The following LDAH variants were observed in gnomAD, a reference collection of about 807,000 sequenced individuals.
The protein encoded by LDAH is lipid droplet-associated hydrolase.
In LDAH, 26 loss-of-function variants were observed where a neutral mutation model predicts 29.6. That is an observed-to-expected ratio of 0.88 (90% confidence interval 0.64 to 1.22). The LOEUF (loss-of-function observed/expected upper bound fraction) is 1.22. Among genes scored for constraint, LDAH ranks in the 50% most tolerant of loss-of-function variants. The probability of loss-of-function intolerance (pLI) is 0.00; values close to 1 mark genes in which losing one functional copy is unlikely to be tolerated. For synonymous variants in LDAH, 117 were observed against 133.0 expected (o/e 0.88, Z 0.83); for missense variants, 344 against 387.3 (o/e 0.89, Z 0.94).
intron 3 of LDAH, among the ~76,000 whole-genome samples, chr2:20,788,445 T>C (rs1432892268): frequency 6.6e-6 from 1 of 152,122 alleles, no homozygotes; most frequent in Non-Finnish European, 1.5e-5. Flanking sequence ...AGGTCAGAGA[T>C]TACAATTAAA....
Position 20,721,671 on chromosome 2 carries a change from A to AT in LDAH, c.703+18299_703+18300insA, listed in dbSNP as rs750177837. The stretch of plus-strand genomic sequence containing the variant: ...GGTGAGGATGCAGAGAAAGGGGAAT[A>AT]CCTGTAAACTGTTGGGAATGTAAAG... On this transcript the variant is annotated intron_variant, in intron 5 of 6. Coordinates refer to ENST00000237822, the MANE Select transcript of LDAH (RefSeq NM_021925.4). Among the ~76,000 whole-genome samples, 8 of 152,342 alleles carry AT rather than the reference A, an allele frequency of 5.3e-5. No individual in the cohort carries two copies. The East Asian group carries it at 5.8e-4, about 11-fold the overall frequency.
At chr2:20,697,201 T>C (rs1256878658) in intron 6 of LDAH, among the ~76,000 whole-genome samples, 7 of 152,184 alleles carry the variant, frequency 4.6e-5, no homozygotes, top group Admixed American at 4.6e-4. Context: ...TGCTGCTGCT[T>C]CTCTTCCCAT....
At chr2:20,812,557 A>G (rs1159860852) in intron 1 of LDAH, among the ~76,000 whole-genome samples, 2 of 152,170 alleles carry the variant, frequency 1.3e-5, no homozygotes, top group African/African-American at 4.8e-5. Context: ...CTCTGCTGCC[A>G]TATATGGACT....
intron 5 of LDAH, among the ~76,000 whole-genome samples, chr2:20,724,509 T>A (rs1458122056): frequency 1.3e-5 from 2 of 152,164 alleles, no homozygotes; most frequent in Non-Finnish European, 2.9e-5. Flanking sequence ...GCTAGTGCTT[T>A]GGAAAGCGGG....
intron 4 of LDAH, among the ~76,000 whole-genome samples, chr2:20,742,243 C>T (rs577875014): frequency 1.3e-5 from 2 of 152,260 alleles, no homozygotes; most frequent in East Asian, 1.9e-4. Context: ...GAATGTTCCA[C>T]GTGATCTTGA....
chr2:20,717,700 G>A (rs1490134592), intron 5 of LDAH, among the ~76,000 whole-genome samples: 1 of 152,124 alleles, frequency 6.6e-6, no homozygotes, highest in Non-Finnish European at 1.5e-5. Context: ...AAATGTAGGG[G>A]GAGAATGGAG....
chr2:20,792,161 T>G (rs959292907), intron 2 of LDAH, among the ~76,000 whole-genome samples: 1 of 152,112 alleles, frequency 6.6e-6, no homozygotes, highest in African/African-American at 2.4e-5. Flanking sequence ...TACAAAAATT[T>G]TATATTTTTA....
intron 4 of LDAH, among the ~76,000 whole-genome samples, chr2:20,766,936 C>A (rs1342615381): frequency 1.3e-5 from 2 of 152,192 alleles, no homozygotes; most frequent in African/African-American, 4.8e-5. Context: ...CCGCCCAGGG[C>A]TCTGTCCCCA....
rs551414292 is a variant in LDAH, at chr2:20,748,447, C to T, written c.469-8242G>A. On this transcript the variant is annotated intron_variant, in intron 4 of 6. Transcript: ENST00000237822. Reference sequence around the variant, plus strand: ...CTTCCTATAGCCCATTCTTCTCAAGCTTTTATCATTTTATATTCTCTGCAC... The same window carrying T: ...CTTCCTATAGCCCATTCTTCTCAAGTTTTTATCATTTTATATTCTCTGCAC... 4.6e-5 allele frequency among the ~76,000 whole-genome samples: 7 copies of T among 152,316 alleles called. No homozygotes were observed. The South Asian group carries it at 1.4e-3, about 32-fold the overall frequency.
intron 1 of LDAH, among the ~76,000 whole-genome samples, chr2:20,804,899 T>C (rs1395921873): frequency 6.6e-6 from 1 of 152,160 alleles, no homozygotes; most frequent in Non-Finnish European, 1.5e-5. Flanking sequence ...GAATTTTTAC[T>C]TCACTAATAA....
intron 4 of LDAH, among the ~76,000 whole-genome samples, chr2:20,769,067 C>A (rs1669240510): frequency 6.6e-6 from 1 of 152,150 alleles, no homozygotes; most frequent in African/African-American, 2.4e-5. Context: ...CCTCCACGCA[C>A]ACTCTGCCGC....
chr2:20,708,786 T>C (rs965332412), intron 5 of LDAH, among the ~76,000 whole-genome samples: 1 of 152,158 alleles, frequency 6.6e-6, no homozygotes, highest in African/African-American at 2.4e-5. Flanking sequence ...TTTGTAACTA[T>C]GACATCAAAA....
At chr2:20,765,608 C>G (rs551819089) in intron 4 of LDAH, among the ~76,000 whole-genome samples, 5 of 152,128 alleles carry the variant, frequency 3.3e-5, no homozygotes, top group Admixed American at 6.5e-5. Flanking sequence ...TTCTTTTGCT[C>G]CATGTGGTGT....
At chr2:20,709,888 A>G (rs1163916350) in intron 5 of LDAH, among the ~76,000 whole-genome samples, 1 of 152,216 alleles carries the variant, frequency 6.6e-6, no homozygotes, top group Admixed American at 6.5e-5. Flanking sequence ...AAGTGAAAGA[A>G]GCAAGTCACA....
intron 4 of LDAH, among the ~76,000 whole-genome samples, chr2:20,742,882 T>C (rs1667291472): frequency 6.6e-6 from 1 of 150,642 alleles, no homozygotes; most frequent in Admixed American, 6.6e-5. Flanking sequence ...ACTTCAGCCT[T>C]CTGAGTAGCT....
intron 4 of LDAH, among the ~76,000 whole-genome samples, chr2:20,758,367 A>C (rs958045923): frequency 6.6e-6 from 1 of 152,240 alleles, no homozygotes; most frequent in African/African-American, 2.4e-5. Context: ...TAAAATGGAA[A>C]TTTTATAGGC....
intron 1 of LDAH, among the ~76,000 whole-genome samples, chr2:20,806,596 T>A (rs1457956254): frequency 6.6e-6 from 1 of 151,928 alleles, no homozygotes; most frequent in African/African-American, 2.4e-5. Context: ...TAATCTTCCA[T>A]TGAGAACAAT....
intron 6 of LDAH, among the ~76,000 whole-genome samples, chr2:20,696,613 C>CT (rs1663505895): frequency 6.6e-6 from 1 of 152,188 alleles, no homozygotes; most frequent in Admixed American, 6.5e-5. Flanking sequence ...AATTCCCCCC[C>CT]TAAGTGGGTT....
chr2:20,703,108 G>T (rs922287318), intron 5 of LDAH, among the ~76,000 whole-genome samples: 2 of 152,236 alleles, frequency 1.3e-5, no homozygotes, highest in African/African-American at 4.8e-5. Flanking sequence ...TTACAGGCAT[G>T]AGCCACCGCA....
Sources: gnomAD v4.1 joint callset for allele counts (sites outside exome capture counted in the v4.1 genomes callset) on GRCh38, gnomAD v4.1.1 for gene constraint, MANE v1.5 for transcripts, NCBI Gene and HGNC (gene_info 2026-07-23, HGNC 2026-07-21) for gene names.